Variants in BNIP3L observed in about 807,000 individuals in gnomAD.
BNIP3L encodes the protein BCL2/adenovirus E1B 19 kDa protein-interacting protein 3-like.
A neutral mutation model predicts 25.5 loss-of-function variants in BNIP3L; 10 were observed. That is an observed-to-expected ratio of 0.39 (90% CI 0.24 to 0.67). The LOEUF (loss-of-function observed/expected upper bound fraction) is 0.67, where lower values mean the gene tolerates loss of function less well. Among genes scored for constraint, BNIP3L ranks in the 30% least tolerant of loss-of-function variants. The probability of loss-of-function intolerance (pLI) is 0.45; values close to 1 mark genes in which losing one functional copy is unlikely to be tolerated. For synonymous variants in BNIP3L, 113 were observed against 101.2 expected (o/e 1.12, Z -0.70); for missense variants, 215 against 270.9 (o/e 0.79, Z 1.45).
At chr8:26,403,473 C>T (rs1236695879) in intron 3 of BNIP3L, among the ~76,000 whole-genome samples, 2 of 150,540 alleles carry the variant, frequency 1.3e-5, no homozygotes, top group African/African-American at 2.4e-5. Context: ...TCAAGCTTTT[C>T]TAAGATGAGG....
chr8:26,388,703 G>T (rs1263915355), intron 1 of BNIP3L, among the ~76,000 whole-genome samples: 1 of 152,140 alleles, frequency 6.6e-6, no homozygotes, highest in East Asian at 1.9e-4. Context: ...GGGAGCAGTG[G>T]CTCATACCTG....
chr8:26,383,903 T>A (rs958185258), intron 1 of BNIP3L, among the ~76,000 whole-genome samples: 1 of 152,174 alleles, frequency 6.6e-6, no homozygotes, highest in East Asian at 1.9e-4. Flanking sequence ...AGTGATTTTT[T>A]TTTTTTTAAA....
intron 1 of BNIP3L, among the ~76,000 whole-genome samples, chr8:26,388,131 G>A (rs1046679019): frequency 2.0e-5 from 3 of 152,172 alleles, no homozygotes; most frequent in African/African-American, 7.2e-5. Context: ...GGCTCCTTTG[G>A]GAGTAGGAAC....
intron 3 of BNIP3L, among the ~76,000 whole-genome samples, chr8:26,405,661 G>C (rs1270501914): frequency 6.6e-6 from 1 of 152,126 alleles, no homozygotes; most frequent in African/African-American, 2.4e-5. Flanking sequence ...TCATTCTTTT[G>C]AGTGAATCCT....
chr8:26,395,156 C>A (rs1806205726), intron 2 of BNIP3L, 74 bp from the exon 3 acceptor site: 1 of 1,493,564 alleles, frequency 6.7e-7, no homozygotes, highest in African/African-American at 1.4e-5. Context: ...TTTTAATTTT[C>A]TAATTTCTAG....
At chr8:26,401,796 A>G (rs1445965278) in intron 3 of BNIP3L, among the ~76,000 whole-genome samples, 1 of 152,182 alleles carries the variant, frequency 6.6e-6, no homozygotes, top group Middle Eastern at 3.2e-3. Context: ...GGAAACATAG[A>G]TGGATATAGT....
intron 1 of BNIP3L, among the ~76,000 whole-genome samples, chr8:26,386,884 T>G (rs1806004233): frequency 6.7e-6 from 1 of 150,334 alleles, no homozygotes; most frequent in African/African-American, 2.5e-5. Context: ...TTTCAAAAAT[T>G]TATTTATTTA....
chr8:26,411,183 T>C lies in BNIP3L; in HGVS notation c.*771T>C, dbSNP rs970186373. ...CTTTCTGATAAGGAACGTCTCAGGC[T>C]TAGAAATATATGAAATTGCTTTTTG... On this transcript the variant is annotated 3_prime_UTR_variant, in exon 6 of 6. Transcript: ENST00000380629. 1 of 152,664 alleles carries C rather than the reference T, an allele frequency of 6.6e-6. No homozygotes were observed. The highest frequency in any genetic ancestry group is 1.5e-5 in the Non-Finnish European group (1 of 68,038). The allele number at this position is 152,664 out of a possible 1,614,324, so 9.5% of individuals were successfully genotyped here. A position where few individuals can be genotyped will look rare whatever the true frequency, so the allele number is the denominator to read the frequency against.
intron 3 of BNIP3L, among the ~76,000 whole-genome samples, chr8:26,406,933 A>G (rs1260357149): frequency 2.0e-5 from 3 of 151,102 alleles, no homozygotes; most frequent in African/African-American, 4.9e-5. Flanking sequence ...TTTACTTCTC[A>G]TCATTTTATT....
chr8:26,407,027 C>G (rs1563343308), intron 3 of BNIP3L, among the ~76,000 whole-genome samples: 1 of 150,044 alleles, frequency 6.7e-6, no homozygotes, highest in Non-Finnish European at 1.5e-5. Context: ...GAATCTCACT[C>G]TATCACCCAG....
intron 3 of BNIP3L, among the ~76,000 whole-genome samples, chr8:26,398,798 A>G (rs1009999346): frequency 3.3e-5 from 5 of 152,226 alleles, no homozygotes; most frequent in African/African-American, 1.2e-4. Flanking sequence ...CCTCTACGCA[A>G]ATAAACTAGA....
At chr8:26,402,771 A>G (rs899774018) in intron 3 of BNIP3L, among the ~76,000 whole-genome samples, 1 of 152,186 alleles carries the variant, frequency 6.6e-6, no homozygotes, top group African/African-American at 2.4e-5. Context: ...CTCTAAAAAA[A>G]AGAAAAAAAG....
chr8:26,412,779 C>A lies in BNIP3L; in HGVS notation c.*2367C>A, dbSNP rs1806659047. 1 of 152,494 alleles carries A rather than the reference C, an allele frequency of 6.6e-6. No homozygotes were observed. Among genetic ancestry groups the A allele is most frequent in the African/African-American group, 2.4e-5 (1 of 41,394 alleles). The allele number at this position is 152,494 out of a possible 1,614,324, so 9.4% of individuals were successfully genotyped here. On this transcript the variant is annotated 3_prime_UTR_variant, in exon 6 of 6. Coordinates refer to ENST00000380629, the MANE Select transcript of BNIP3L (RefSeq NM_004331.3). The stretch of plus-strand genomic sequence containing the variant: ...TTTACACCTGTTTACAATTTGGGGA[C>A]AAAAAGGCAGGCTTCATTTTTCATA...
intron 1 of BNIP3L, among the ~76,000 whole-genome samples, chr8:26,384,710 A>G (rs1020599054): frequency 1.4e-5 from 2 of 146,194 alleles, no homozygotes; most frequent in Non-Finnish European, 3.0e-5. Context: ...CAGCCTGTCT[A>G]CTGCTCTTTT....
At chr8:26,394,114 G>A (rs999132602) in intron 2 of BNIP3L, among the ~76,000 whole-genome samples, 11 of 152,146 alleles carry the variant, frequency 7.2e-5, no homozygotes, top group Admixed American at 5.2e-4. Flanking sequence ...ATGTAGTGAA[G>A]GATCCCCAGT....
intron 2 of BNIP3L, among the ~76,000 whole-genome samples, chr8:26,393,031 T>G (rs559571192): frequency 1.3e-5 from 2 of 152,128 alleles, no homozygotes; most frequent in South Asian, 4.2e-4. Flanking sequence ...TTGAACACTT[T>G]CGTACCCCTC....
At chr8:26,392,844 TG>T (rs1453910527) in intron 2 of BNIP3L, among the ~76,000 whole-genome samples, 1 of 152,150 alleles carries the variant, frequency 6.6e-6, no homozygotes, top group African/African-American at 2.4e-5. Context: ...GATACCATGG[TG>T]TCCATGAGCC....
rs11558939 is a variant in BNIP3L at position 26,383,139 on chromosome 8, C to A, written c.9C>A (p.Ser3=). The part of the protein sequence containing the change: MS[S]HLVEPPPPLH... ...CTGCCAGCTGTCCGACAATGTCGTC[C>A]CACCTAGTCGAGCCGCCGCCGCCCC... Residue 3 remains serine (S), a synonymous_variant, in exon 1 of 6, where the codon TCC becomes TCA. Coordinates refer to ENST00000380629, the MANE Select transcript of BNIP3L (RefSeq NM_004331.3). 1.2e-6 allele frequency: 2 copies of A among 1,611,030 alleles called. No individual in the cohort carries two copies. Among genetic ancestry groups the A allele is most frequent in the Non-Finnish European group, 1.7e-6 (2 of 1,179,342 alleles).
chr8:26,407,578 T>C (rs1434651685), intron 3 of BNIP3L, among the ~76,000 whole-genome samples: 1 of 152,166 alleles, frequency 6.6e-6, no homozygotes, highest in Admixed American at 6.5e-5. Context: ...TCCGCCTGCC[T>C]CAGCCTCCCA....
Sources: allele counts gnomAD v4.1 joint callset (sites outside exome capture counted in the v4.1 genomes callset), GRCh38; gene constraint gnomAD v4.1.1; transcripts MANE v1.5; gene names NCBI Gene and HGNC (gene_info 2026-07-23, HGNC 2026-07-21).